Variants in FERRY3 observed in about 807,000 individuals in gnomAD.
FERRY3 encodes protein C12orf4.
the FERRY3 span, among the ~76,000 whole-genome samples, chr12:4,492,470 T>C: frequency 1.6e-4 from 25 of 152,336 alleles, no homozygotes; most frequent in Admixed American, 4.6e-4. Context: ...TTCCATCCCA[T>C]CACTCAACTG....
chr12:4,518,760 A>T, the FERRY3 span: 6 of 1,433,582 alleles, frequency 4.2e-6, no homozygotes, highest in Non-Finnish European at 5.8e-6. Flanking sequence ...CTGCAAAAAA[A>T]TTAACACACT....
At chr12:4,522,637 C>T in the FERRY3 span, among the ~76,000 whole-genome samples, 8 of 152,314 alleles carry the variant, frequency 5.3e-5, no homozygotes, top group Admixed American at 3.9e-4. Flanking sequence ...GTACACTTAC[C>T]ATATGACCAA....
At chr12:4,493,867 C>T in the FERRY3 span, among the ~76,000 whole-genome samples, 19 of 152,082 alleles carry the variant, frequency 1.2e-4, no homozygotes, top group Admixed American at 1.0e-3. Context: ...CCGAGGCAGG[C>T]GGATCATCTG....
the FERRY3 span, among the ~76,000 whole-genome samples, chr12:4,514,348 G>T: frequency 1.3e-5 from 2 of 151,152 alleles, no homozygotes; most frequent in Admixed American, 6.6e-5. Flanking sequence ...GATTCCTCAG[G>T]TATCTAGAAC....
At chr12:4,508,410 A>G in the FERRY3 span, among the ~76,000 whole-genome samples, 1 of 152,222 alleles carries the variant, frequency 6.6e-6, no homozygotes, top group East Asian at 1.9e-4. Context: ...AGCTTACCAC[A>G]TTTTATTTCC....
the FERRY3 span, among the ~76,000 whole-genome samples, chr12:4,536,738 C>G: frequency 6.6e-6 from 1 of 152,048 alleles, no homozygotes; most frequent in African/African-American, 2.4e-5. Flanking sequence ...GAGTACAGGA[C>G]CTCCACTTCC....
At chr12:4,501,555 A>G in the FERRY3 span, among the ~76,000 whole-genome samples, 11 of 152,130 alleles carry the variant, frequency 7.2e-5, no homozygotes, top group African/African-American at 2.4e-4. Context: ...AGATTCTCAC[A>G]GGAGCACGAA....
chr12:4,500,390 A>G, the FERRY3 span: 2 of 1,505,048 alleles, frequency 1.3e-6, no homozygotes, highest in African/African-American at 1.4e-5. Flanking sequence ...AGTAAGTCAC[A>G]TTCATCAATG....
chr12:4,490,017 T>C, the FERRY3 span: 3,082 of 642,458 alleles, frequency 4.8e-3, 71 homozygotes, highest in African/African-American at 0.049. Context: ...GTGCAGTAGG[T>C]GAAAATTATC....
the FERRY3 span, among the ~76,000 whole-genome samples, chr12:4,498,530 G>C: frequency 3.5e-4 from 54 of 152,324 alleles, no homozygotes; most frequent in African/African-American, 1.3e-3. Flanking sequence ...AGCTTTCATA[G>C]GATAGTACCA....
chr12:4,526,685 T>C, the FERRY3 span, among the ~76,000 whole-genome samples: 3 of 151,962 alleles, frequency 2.0e-5, no homozygotes, highest in African/African-American at 7.2e-5. Flanking sequence ...CTACTAAAAA[T>C]GCAAAAATTA....
chr12:4,531,449 T>C, the FERRY3 span, among the ~76,000 whole-genome samples: 244 of 152,258 alleles, frequency 1.6e-3, 2 homozygotes, highest in African/African-American at 5.6e-3. Context: ...TCTGCAGCAT[T>C]AATTTTAAAC....
At chr12:4,510,431 GAC>G in the FERRY3 span, among the ~76,000 whole-genome samples, 25 of 118,202 alleles carry the variant, frequency 2.1e-4, no homozygotes, top group African/African-American at 8.9e-4. Flanking sequence ...GCAACTCCAA[GAC>G]ACATAATTGT....
At chr12:4,511,905 G>A in the FERRY3 span, among the ~76,000 whole-genome samples, 2 of 100,372 alleles carry the variant, frequency 2.0e-5, no homozygotes, top group Non-Finnish European at 3.7e-5. Context: ...AGAACTGAAG[G>A]AAATAGAGAC....
chr12:4,519,111 A>G, the FERRY3 span, among the ~76,000 whole-genome samples: 1 of 152,244 alleles, frequency 6.6e-6, no homozygotes, highest in African/African-American at 2.4e-5. The surrounding 1 kb of genome is among the most constrained non-coding windows in gnomAD (Gnocchi z 4.3). Flanking sequence ...ATTTTCAATC[A>G]TTATAATGTC....
At chr12:4,536,637 G>C in the FERRY3 span, among the ~76,000 whole-genome samples, 1 of 152,184 alleles carries the variant, frequency 6.6e-6, no homozygotes, top group Non-Finnish European at 1.5e-5. Flanking sequence ...GGAGAACTTA[G>C]AGGTTGTGGT....
chr12:4,533,283 A>G, the FERRY3 span, among the ~76,000 whole-genome samples: 2 of 152,162 alleles, frequency 1.3e-5, no homozygotes, highest in Admixed American at 1.3e-4. Flanking sequence ...TGCCGCCTTA[A>G]AAAACAAACA....
chr12:4,537,947 TAGG>T, the FERRY3 span, among the ~76,000 whole-genome samples: 1 of 151,990 alleles, frequency 6.6e-6, no homozygotes, highest in East Asian at 1.9e-4. Context: ...TGCGTATTAG[TAGG>T]AGAATAGTAA....
At chr12:4,489,164 A>C in the FERRY3 span, 1 of 152,666 alleles carries the variant, frequency 6.6e-6, no homozygotes, top group Admixed American at 6.5e-5. Context: ...AAATGTTATT[A>C]ATATGCAAGT....
Sources: allele counts gnomAD v4.1 joint callset (sites outside exome capture counted in the v4.1 genomes callset), GRCh38; gene constraint gnomAD v4.1.1; non-coding constraint Gnocchi (gnomAD v3.1); transcripts MANE v1.5; gene names NCBI Gene and HGNC (gene_info 2026-07-23, HGNC 2026-07-21).